AP1G1: variants seen among roughly 807,000 people sequenced by gnomAD.
AP1G1 encodes the protein AP-1 complex subunit gamma-1.
AP1G1 carries 7 observed loss-of-function variants against 108.3 expected under a neutral mutation model. The observed-to-expected ratio is 0.06, with a 90% confidence interval of 0.04 to 0.12. AP1G1 has a LOEUF of 0.12. Ranked by LOEUF, AP1G1 falls within the 10% of genes least tolerant of loss-of-function variation. The pLI, the probability that AP1G1 is intolerant of heterozygous loss-of-function variation, is 1.00. For synonymous variants in AP1G1, 379 were observed against 353.5 expected (o/e 1.07, Z -0.81); for missense variants, 756 against 1,010.7 (o/e 0.75, Z 3.42).
At chr16:71,752,261 A>C (rs552373227) in intron 13 of AP1G1, among the ~76,000 whole-genome samples, 1 of 152,202 alleles carries the variant, frequency 6.6e-6, no homozygotes, top group Non-Finnish European at 1.5e-5. Flanking sequence ...GAGCCTCATG[A>C]AAACTAGGAA....
intron 13 of AP1G1, 95 bp from the exon 14 acceptor site, chr16:71,750,427 T>A: frequency 6.7e-7 from 1 of 1,490,784 alleles, no homozygotes; most frequent in Non-Finnish European, 9.1e-7. Context: ...TTTCCTTTCT[T>A]TTTTTGAGAC....
At chr16:71,793,516 A>T (rs1489955596) in intron 1 of AP1G1, among the ~76,000 whole-genome samples, 1 of 152,212 alleles carries the variant, frequency 6.6e-6, no homozygotes, top group Non-Finnish European at 1.5e-5. Context: ...AAGAAACAAA[A>T]GCAGCAACAA....
intron 6 of AP1G1, among the ~76,000 whole-genome samples, chr16:71,768,850 G>A (rs1313703728): frequency 9.5e-5 from 14 of 147,160 alleles, no homozygotes; most frequent in South Asian, 2.1e-4. Flanking sequence ...CCCGGGAGGC[G>A]GAACTTGCAG....
chr16:71,733,307 A>G, intron 22 of AP1G1, 148 bp from the exon 23 acceptor site: 1 of 638,886 alleles, frequency 1.6e-6, no homozygotes. Flanking sequence ...AACAAAAAAC[A>G]CCCAGTACTC....
intron 4 of AP1G1, 109 bp from the exon 5 acceptor site, chr16:71,771,361 T>A (rs190265292): frequency 1.6e-6 from 1 of 615,864 alleles, no homozygotes; most frequent in Admixed American, 3.2e-5. Context: ...GTTCATCTAC[T>A]AGAAAAATAA....
chr16:71,781,059 C>T (rs552119576), intron 2 of AP1G1, among the ~76,000 whole-genome samples: 172 of 152,300 alleles, frequency 1.1e-3, no homozygotes, highest in African/African-American at 4.0e-3. Context: ...CTCAAACGAT[C>T]CTTCTGCCTT....
chr16:71,782,766 G>C (rs1167182972), intron 2 of AP1G1, among the ~76,000 whole-genome samples: 7 of 151,760 alleles, frequency 4.6e-5, no homozygotes, highest in Admixed American at 1.3e-4. Flanking sequence ...GATTACAGGT[G>C]TGAGCCACCA....
intron 19 of AP1G1, 141 bp downstream of exon 19, chr16:71,745,003 T>C (rs2030096802): frequency 4.8e-6 from 4 of 838,408 alleles, no homozygotes; most frequent in South Asian, 3.3e-5. Context: ...AACCCGGATA[T>C]TGTGAAGATT....
intron 10 of AP1G1, among the ~76,000 whole-genome samples, chr16:71,759,149 G>A (rs2030951952): frequency 6.6e-6 from 1 of 152,142 alleles, no homozygotes. Flanking sequence ...TGTATTCATG[G>A]TCAAGTCCTT....
At chr16:71,744,493 CAAG>C (rs1597039119) in intron 19 of AP1G1, among the ~76,000 whole-genome samples, 2 of 150,758 alleles carry the variant, frequency 1.3e-5, no homozygotes, top group African/African-American at 2.4e-5. Context: ...GGGAAGGAAC[CAAG>C]AAGAAGTCAT....
intron 1 of AP1G1, among the ~76,000 whole-genome samples, chr16:71,802,721 C>T (rs1490021768): frequency 6.6e-6 from 1 of 151,632 alleles, no homozygotes; most frequent in Non-Finnish European, 1.5e-5. Context: ...CAGAGCAAGA[C>T]TCTGTCTCAA....
intron 12 of AP1G1, 84 bp from the exon 13 acceptor site, chr16:71,753,971 G>T: frequency 7.8e-7 from 1 of 1,282,468 alleles, no homozygotes; most frequent in Non-Finnish European, 1.1e-6. Context: ...CAAGCAGGGT[G>T]ACTCACACCT....
At chr16:71,767,581 CA>C (rs1324040266) in intron 6 of AP1G1, among the ~76,000 whole-genome samples, 3 of 152,120 alleles carry the variant, frequency 2.0e-5, no homozygotes, top group African/African-American at 7.2e-5. Context: ...TCACCAAAGC[CA>C]CTGGGAAACT....
chr16:71,748,563 A>G (rs1026406669), intron 15 of AP1G1, among the ~76,000 whole-genome samples, 185 bp from the exon 16 acceptor site: 2 of 151,890 alleles, frequency 1.3e-5, no homozygotes, highest in Non-Finnish European at 2.9e-5. Flanking sequence ...AGTTGGGGGT[A>G]AAAAAAAGTG....
At chr16:71,805,615 T>C (rs996853739) in intron 1 of AP1G1, among the ~76,000 whole-genome samples, 1 of 152,240 alleles carries the variant, frequency 6.6e-6, no homozygotes, top group Non-Finnish European at 1.5e-5. Flanking sequence ...AAAATCCTCA[T>C]CAAATGCAAA....
chr16:71,736,994 A>G (rs2045558641), intron 21 of AP1G1, among the ~76,000 whole-genome samples: 1 of 152,166 alleles, frequency 6.6e-6, no homozygotes, highest in Non-Finnish European at 1.5e-5. Context: ...AAGTCACTAG[A>G]GCAGCAGCCT....
At chr16:71,771,428 A>G (rs1231651645) in intron 4 of AP1G1, among the ~76,000 whole-genome samples, 176 bp from the exon 5 acceptor site, 5 of 152,194 alleles carry the variant, frequency 3.3e-5, no homozygotes, top group Admixed American at 3.3e-4. Context: ...GCCCACTCCT[A>G]TAATCCAGCA....
At chr16:71,788,539 G>A (rs1381265372) in intron 2 of AP1G1, among the ~76,000 whole-genome samples, 2 of 152,014 alleles carry the variant, frequency 1.3e-5, no homozygotes, top group East Asian at 3.9e-4. Context: ...AAAGTAACTA[G>A]AACAAAATAG....
chr16:71,768,259 A>C (rs1485263835), intron 6 of AP1G1, among the ~76,000 whole-genome samples: 1 of 149,680 alleles, frequency 6.7e-6, no homozygotes, highest in Non-Finnish European at 1.5e-5. Context: ...GCACTTGAGG[A>C]GGCTGAGGCG....
Sources: allele counts gnomAD v4.1 joint callset (sites outside exome capture counted in the v4.1 genomes callset), GRCh38; gene constraint gnomAD v4.1.1; transcripts MANE v1.5; gene names NCBI Gene and HGNC (gene_info 2026-07-23, HGNC 2026-07-21).